Variants in HMBOX1 observed in about 807,000 individuals in gnomAD.
HMBOX1 encodes homeobox containing 1.
A neutral mutation model predicts 54.5 loss-of-function variants in HMBOX1; 14 were observed. The ratio of observed to expected loss-of-function variants is 0.26; its 90% CI spans 0.17 to 0.40. HMBOX1 has a LOEUF of 0.40. Among genes scored for constraint, HMBOX1 ranks in the 10% least tolerant of loss-of-function variants. The pLI is 1.00. For synonymous variants in HMBOX1, 160 were observed against 181.0 expected, an observed-to-expected ratio of 0.88 and a Z score of 0.93; for missense variants, 332 against 514.4, an observed-to-expected ratio of 0.65 and a Z score of 3.43.
chr8:29,000,198 C>T (rs528551002), intron 4 of HMBOX1, among the ~76,000 whole-genome samples: 1 of 152,274 alleles, frequency 6.6e-6, no homozygotes, highest in East Asian at 1.9e-4. Flanking sequence ...AACAATAAGT[C>T]TCCCAGCTTT....
At chr8:28,958,985 C>T (rs1449509114) in intron 1 of HMBOX1, among the ~76,000 whole-genome samples, 1 of 152,140 alleles carries the variant, frequency 6.6e-6, no homozygotes, top group Non-Finnish European at 1.5e-5. Flanking sequence ...CCCCCCTTAT[C>T]CACCGGGAAT....
At chr8:28,968,425 A>G (rs1451510308) in intron 2 of HMBOX1, among the ~76,000 whole-genome samples, 1 of 152,252 alleles carries the variant, frequency 6.6e-6, no homozygotes, top group East Asian at 1.9e-4. Context: ...TTTGGAGTCA[A>G]TAAGATCTAG....
At chr8:28,936,786 T>C (rs1820469594) in intron 1 of HMBOX1, among the ~76,000 whole-genome samples, 1 of 144,490 alleles carries the variant, frequency 6.9e-6, no homozygotes, top group South Asian at 2.1e-4. Flanking sequence ...CAAGGGCCAC[T>C]GAACCAGAGG....
At chr8:28,980,582 A>G (rs1040054145) in intron 4 of HMBOX1, among the ~76,000 whole-genome samples, 4 of 152,212 alleles carry the variant, frequency 2.6e-5, no homozygotes, top group Non-Finnish European at 4.4e-5. Flanking sequence ...CCACTTTTCC[A>G]TATGTAAAAG....
intron 3 of HMBOX1, among the ~76,000 whole-genome samples, chr8:28,975,134 C>G (rs1312975598): frequency 6.6e-6 from 1 of 152,188 alleles, no homozygotes; most frequent in East Asian, 1.9e-4. Context: ...AACTACAGAA[C>G]TGTTCCTTCA....
At chr8:28,990,071 T>C (rs757886192) in intron 4 of HMBOX1, among the ~76,000 whole-genome samples, 1 of 152,200 alleles carries the variant, frequency 6.6e-6, no homozygotes, top group Non-Finnish European at 1.5e-5. Flanking sequence ...TTATTTGTTC[T>C]AGTAGCTTTA....
intron 1 of HMBOX1, among the ~76,000 whole-genome samples, chr8:28,897,421 A>G (rs979278050): frequency 5.9e-5 from 9 of 152,226 alleles, no homozygotes; most frequent in African/African-American, 2.2e-4. Context: ...TCATGCCGGT[A>G]ATCCCGGCAC....
intron 1 of HMBOX1, among the ~76,000 whole-genome samples, chr8:28,954,173 A>G (rs961539678): frequency 1.3e-5 from 2 of 152,084 alleles, no homozygotes; most frequent in Non-Finnish European, 2.9e-5. Context: ...ATAATGTCTA[A>G]TTTATGGGAT....
intron 4 of HMBOX1, among the ~76,000 whole-genome samples, chr8:28,984,915 G>C (rs1829949407): frequency 6.6e-6 from 1 of 151,714 alleles, no homozygotes; most frequent in African/African-American, 2.4e-5. Flanking sequence ...TAAATACACA[G>C]AAGAAGAAAA....
At chr8:28,942,566 C>A (rs544772913) in intron 1 of HMBOX1, among the ~76,000 whole-genome samples, 37 of 152,238 alleles carry the variant, frequency 2.4e-4, no homozygotes, top group Non-Finnish European at 4.6e-4. Flanking sequence ...TGTGTAAAAA[C>A]AAATCTATAT....
chr8:29,051,668 C>G lies in HMBOX1; in HGVS notation c.*513C>G. The stretch of plus-strand genomic sequence containing the variant: ...ACCTCAGCGTGAGGATAATTGATTT[C>G]CAGCTGCAATAAGCCGTGCCTCATT... On this transcript the variant is annotated 3_prime_UTR_variant, in exon 10 of 10. Coordinates refer to ENST00000287701, the MANE Select transcript of HMBOX1 (RefSeq NM_001135726.3). The G allele has an allele frequency of 2.9e-6, 2 of 700,104 alleles. No homozygotes were observed. The highest frequency in any genetic ancestry group is 5.2e-6 in the Non-Finnish European group (2 of 382,732). The allele number at this position is 700,104 out of a possible 1,614,324, so 43.4% of individuals were successfully genotyped here. A position where few individuals can be genotyped will look rare whatever the true frequency, so the allele number is the denominator to read the frequency against.
chr8:29,023,782 A>G (rs1801584839), intron 6 of HMBOX1, among the ~76,000 whole-genome samples: 1 of 152,108 alleles, frequency 6.6e-6, no homozygotes, highest in Non-Finnish European at 1.5e-5. Flanking sequence ...CCTATTAACC[A>G]TCTACCTAAT....
At chr8:28,918,156 A>G (rs938830427) in intron 1 of HMBOX1, among the ~76,000 whole-genome samples, 2 of 152,176 alleles carry the variant, frequency 1.3e-5, no homozygotes, top group African/African-American at 2.4e-5. Flanking sequence ...TTTTTAAACT[A>G]TGAACTCAGT....
chr8:28,934,926 CAAAA>C (rs71551611), intron 1 of HMBOX1, among the ~76,000 whole-genome samples: 5 of 110,780 alleles, frequency 4.5e-5, no homozygotes, highest in East Asian at 3.0e-4. Context: ...GACTCCGTCT[CAAAA>C]AAAAAAAAAA....
At chr8:28,956,533 TG>T in intron 1 of HMBOX1, among the ~76,000 whole-genome samples, 1 of 152,108 alleles carries the variant, frequency 6.6e-6, no homozygotes, top group East Asian at 1.9e-4. Flanking sequence ...TTTTGCTAGA[TG>T]ATAACCAGTT....
At chr8:28,944,203 G>A (rs920465212) in intron 1 of HMBOX1, among the ~76,000 whole-genome samples, 3 of 152,106 alleles carry the variant, frequency 2.0e-5, no homozygotes, top group Middle Eastern at 3.2e-3. Flanking sequence ...TAGTCACAAC[G>A]TACAGAATCA....
intron 6 of HMBOX1, among the ~76,000 whole-genome samples, chr8:29,029,065 A>G (rs1386474353): frequency 6.6e-6 from 1 of 152,202 alleles, no homozygotes; most frequent in Non-Finnish European, 1.5e-5. Flanking sequence ...AAAATGAAGA[A>G]ATAACTTCTA....
intron 1 of HMBOX1, among the ~76,000 whole-genome samples, chr8:28,922,604 AATACAC>A (rs1817742870): frequency 6.6e-6 from 1 of 152,218 alleles, no homozygotes; most frequent in Admixed American, 6.5e-5. Flanking sequence ...TTCTTACAGT[AATACAC>A]ATACACAATT....
At position 29,051,157 on chromosome 8, in the gene HMBOX1, C is replaced by T; in HGVS notation, c.*2C>T. The T allele has an allele frequency of 6.2e-7, 1 of 1,613,456 alleles. No individual in the cohort carries two copies. The highest frequency in any genetic ancestry group is 8.5e-7 in the Non-Finnish European group (1 of 1,179,830). ...ACAGAGGCCCTGGATGATGACTGAT[C>T]AGGGAGGTTAAACATGACAAGTTAA... On this transcript the variant is annotated 3_prime_UTR_variant, in exon 10 of 10. Transcript: ENST00000287701.
Sources: allele counts gnomAD v4.1 joint callset (sites outside exome capture counted in the v4.1 genomes callset), GRCh38; gene constraint gnomAD v4.1.1; transcripts MANE v1.5; gene names NCBI Gene and HGNC (gene_info 2026-07-23, HGNC 2026-07-21).